Variants in GNB1 observed in about 807,000 individuals in gnomAD.
GNB1 encodes the protein guanine nucleotide-binding protein G(I)/G(S)/G(T) subunit beta-1.
GNB1 carries 2 observed loss-of-function variants against 42.9 expected under a neutral mutation model. That is an observed-to-expected ratio of 0.05 (90% CI 0.02 to 0.15). The LOEUF is 0.15. Among genes scored for constraint, GNB1 ranks in the 10% least tolerant of loss-of-function variants. The pLI, the probability that GNB1 is intolerant of heterozygous loss-of-function variation, is 1.00. For missense variants in GNB1, 193 were observed against 462.2 expected, an observed-to-expected ratio of 0.42 and a Z score of 5.34; for synonymous variants, 183 against 174.7, an observed-to-expected ratio of 1.05 and a Z score of -0.38.
chr1:1,809,655 C>G (rs879350245), intron 5 of GNB1, among the ~76,000 whole-genome samples: 4 of 152,106 alleles, frequency 2.6e-5, no homozygotes, highest in Non-Finnish European at 5.9e-5. Flanking sequence ...ACAGAGGTCT[C>G]CCGGTCAGAG....
chr1:1,870,993 T>C (rs1649216726), intron 1 of GNB1, among the ~76,000 whole-genome samples: 1 of 152,136 alleles, frequency 6.6e-6, no homozygotes, highest in African/African-American at 2.4e-5. Context: ...ACCCTCCAAC[T>C]ACTGAGCTCC....
chr1:1,839,727 G>A (rs546433374), intron 1 of GNB1: 1 of 152,064 alleles, frequency 6.6e-6, no homozygotes, highest in East Asian at 1.9e-4. Context: ...GGTGTCACAA[G>A]CCTGTAATCC....
At chr1:1,855,484 A>G (rs995434328) in intron 1 of GNB1, among the ~76,000 whole-genome samples, 5 of 151,946 alleles carry the variant, frequency 3.3e-5, no homozygotes, top group East Asian at 3.9e-4. Flanking sequence ...GGCGGATCAC[A>G]AGGTCAGGAG....
At chr1:1,799,220 CACAA>C (rs1042794770) in intron 7 of GNB1, among the ~76,000 whole-genome samples, 14 of 152,130 alleles carry the variant, frequency 9.2e-5, no homozygotes, top group Non-Finnish European at 4.4e-5. Flanking sequence ...GCGCCCAGCC[CACAA>C]ACACTCTTAA....
chr1:1,800,564 G>A (rs1646610334), intron 7 of GNB1, among the ~76,000 whole-genome samples: 1 of 152,170 alleles, frequency 6.6e-6, no homozygotes, highest in Non-Finnish European at 1.5e-5. Flanking sequence ...CAGCACAGAT[G>A]CGTGTGTATT....
intron 7 of GNB1, among the ~76,000 whole-genome samples, chr1:1,800,753 T>TAAAAAAAAAAAAAAAAAAA (rs943269814): frequency 1.7e-5 from 2 of 115,316 alleles, no homozygotes; most frequent in East Asian, 2.4e-4. Context: ...TTTAGATTGT[T>TAAAAAAAAAAAAAAAAAAA]AAAAAAAAAA....
intron 5 of GNB1, among the ~76,000 whole-genome samples, chr1:1,814,677 C>T (rs115614996): frequency 0.015 from 2,341 of 151,958 alleles, 59 homozygotes; most frequent in African/African-American, 0.053. Flanking sequence ...TGGCACATGC[C>T]TGTGGCCTAT....
intron 3 of GNB1, among the ~76,000 whole-genome samples, chr1:1,820,015 A>G (rs1338710889): frequency 6.6e-6 from 1 of 152,190 alleles, no homozygotes; most frequent in East Asian, 1.9e-4. Context: ...CTCACTGCAA[A>G]TGATTTCTAC....
intron 1 of GNB1, among the ~76,000 whole-genome samples, chr1:1,864,314 CAAAAAAAAAA>C (rs1173466617): frequency 5.3e-5 from 2 of 37,910 alleles, no homozygotes; most frequent in African/African-American, 1.7e-4. Context: ...AAGACTCTCT[CAAAAAAAAAA>C]AAAAAAAAAA....
intron 1 of GNB1, among the ~76,000 whole-genome samples, chr1:1,882,537 C>G: frequency 6.6e-6 from 1 of 151,638 alleles, no homozygotes; most frequent in South Asian, 2.1e-4. Flanking sequence ...ATTATTGTCC[C>G]TATCAGCAAA....
At chr1:1,851,916 G>A (rs1272925314) in intron 1 of GNB1, among the ~76,000 whole-genome samples, 3 of 151,338 alleles carry the variant, frequency 2.0e-5, no homozygotes, top group Non-Finnish European at 4.4e-5. Context: ...GGTAGCGCAT[G>A]CTTGTAATCC....
intron 5 of GNB1, among the ~76,000 whole-genome samples, chr1:1,808,943 A>G (rs1378827628): frequency 2.0e-5 from 3 of 152,036 alleles, no homozygotes; most frequent in Non-Finnish European, 2.9e-5. Context: ...AGCGCCTCAA[A>G]ACACAGGTTT....
chr1:1,815,922 C>G, intron 4 of GNB1, 60 bp from the exon 5 acceptor site: 1 of 1,038,114 alleles, frequency 9.6e-7, no homozygotes, highest in African/African-American at 1.6e-5. Context: ...CTCCTCATCA[C>G]CCATCCTTGT....
At chr1:1,788,955 G>C in intron 10 of GNB1, 98 bp downstream of exon 10, 1 of 860,176 alleles carries the variant, frequency 1.2e-6, no homozygotes, top group Non-Finnish European at 1.9e-6. Context: ...CAGTCCCACC[G>C]ATACTAAAAC....
Position 1,890,886 on chromosome 1 carries a change from G to C in GNB1, c.-162C>G, listed in dbSNP as rs1650471129. 6.8e-6 allele frequency: 1 copy of C among 146,996 alleles called. No homozygotes were observed. The highest frequency in any genetic ancestry group is 1.9e-4 in the South Asian group (1 of 5,304). 9.1% of individuals were successfully genotyped at this position (146,996 alleles called of 1,614,324 possible). A position where few individuals can be genotyped will look rare whatever the true frequency, so the allele number is the denominator to read the frequency against. On this transcript the variant is annotated 5_prime_UTR_variant, in exon 1 of 12. Transcript: ENST00000378609. ...CTCGGCCGCCGCTCGGCAGGTCGTC[G>C]CGCTCGGGCCGCGCTGCGCGCTCCG...
intron 1 of GNB1, among the ~76,000 whole-genome samples, chr1:1,853,840 G>T (rs1434386194): frequency 6.6e-6 from 1 of 152,070 alleles, no homozygotes; most frequent in Non-Finnish European, 1.5e-5. Context: ...TCAGAGTAAA[G>T]TAAGCACAAA....
intron 3 of GNB1, among the ~76,000 whole-genome samples, chr1:1,819,435 G>GGTCTAGAA (rs1646901158): frequency 6.6e-6 from 1 of 151,996 alleles, no homozygotes; most frequent in African/African-American, 2.4e-5. Flanking sequence ...TGGCCAGGCT[G>GGTCTAGAA]GTCTAGAACT....
chr1:1,815,773 G>A lies in GNB1; in HGVS notation c.186C>T (p.His62=). ...RGHLAKIYAM[H]WGTDSRLLVS... is the part of the protein sequence containing the mutation. Reference sequence around the variant, plus strand: ...ACGCCTACCTGGAGTCTGTGCCCCAGTGCATGGCGTAGATCTTGGCCAGGT... The same window carrying A: ...ACGCCTACCTGGAGTCTGTGCCCCAATGCATGGCGTAGATCTTGGCCAGGT... The change falls in exon 5 of 12, where the codon CAC becomes CAT. Residue 62 remains histidine (H), a synonymous_variant. Coordinates refer to ENST00000378609, the MANE Select transcript of GNB1 (RefSeq NM_002074.5). 6.3e-7 allele frequency: 1 copy of A among 1,588,990 alleles called. No homozygotes were observed. The highest frequency in any genetic ancestry group is 1.1e-5 in the South Asian group (1 of 90,596).
intron 3 of GNB1, among the ~76,000 whole-genome samples, chr1:1,822,106 A>G (rs1646937210): frequency 1.3e-5 from 2 of 152,102 alleles, no homozygotes; most frequent in African/African-American, 4.8e-5. Context: ...CAAAACACAC[A>G]AACAAAAAAA....
Sources: allele counts gnomAD v4.1 joint callset (sites outside exome capture counted in the v4.1 genomes callset), GRCh38; gene constraint gnomAD v4.1.1; transcripts MANE v1.5; gene names NCBI Gene and HGNC (gene_info 2026-07-23, HGNC 2026-07-21).